The following RTN3 variants were observed in gnomAD, a reference collection of about 807,000 sequenced individuals.
RTN3 encodes reticulon 3, also known as reticulon-3.
Under a neutral mutation model 77.8 loss-of-function variants are expected in RTN3, and 49 were observed. That is an observed-to-expected ratio of 0.63 (90% CI 0.50 to 0.80). RTN3 has a LOEUF of 0.80. Ranked by LOEUF, RTN3 falls within the 30% of genes least tolerant of loss-of-function variation. The probability of loss-of-function intolerance (pLI) is 0.00; values close to 1 mark genes in which losing one functional copy is unlikely to be tolerated. For missense variants in RTN3, 1,236 were observed against 1,211.9 expected (o/e 1.02, Z -0.29); for synonymous variants, 464 against 446.9 (o/e 1.04, Z -0.48).
intron 3 of RTN3, among the ~76,000 whole-genome samples, chr11:63,724,779 C>A (rs1047093632): frequency 6.6e-6 from 1 of 152,040 alleles, no homozygotes; most frequent in Non-Finnish European, 1.5e-5. Context: ...GCGTGAGCCA[C>A]GGAACCCAGC....
At chr11:63,681,492 A>T (rs933017682), upstream of RTN3, 7 of 823,240 alleles carry the variant, frequency 8.5e-6, no homozygotes, top group South Asian at 1.6e-4. Flanking sequence ...CGCTCGGCTG[A>T]GTCAGTCAGT....
intron 1 of RTN3, among the ~76,000 whole-genome samples, chr11:63,693,254 C>T (rs1283403500): frequency 1.3e-5 from 2 of 151,926 alleles, no homozygotes; most frequent in Non-Finnish European, 2.9e-5. Flanking sequence ...GAGGCCGAGG[C>T]GAGCGGATCA....
chr11:63,681,590 C>G lies in RTN3; in HGVS notation c.-47C>G. 6.5e-7 allele frequency: 1 copy of G among 1,534,874 alleles called. No individual in the cohort carries two copies. The highest frequency in any genetic ancestry group is 2.4e-5 in the East Asian group (1 of 42,034). The stretch of plus-strand genomic sequence containing the variant: ...TATTCTATTTCCCCTCCCTCTCTCC[C>G]GCCCCGTATCTCTTTTCACCCTTCT... On this transcript the variant is annotated 5_prime_UTR_variant, in exon 1 of 9. Coordinates refer to ENST00000377819, the MANE Select transcript of RTN3 (RefSeq NM_001265589.2).
chr11:63,741,056 C>T (rs2013437215), intron 3 of RTN3, among the ~76,000 whole-genome samples: 1 of 152,078 alleles, frequency 6.6e-6, no homozygotes, highest in South Asian at 2.1e-4. Context: ...CTCAGGCATT[C>T]TGGAGCCAGA....
chr11:63,722,908 G>A (rs2011923034), intron 3 of RTN3, among the ~76,000 whole-genome samples: 1 of 152,186 alleles, frequency 6.6e-6, no homozygotes, highest in Non-Finnish European at 1.5e-5. Flanking sequence ...CTTACAGGTA[G>A]TAACTTTTGG....
chr11:63,724,173 CTTTTTTTTTTT>C lies in RTN3; in HGVS notation c.2530+3158_2530+3168del, dbSNP rs958114305. ...CCTAGCAATCTTGTTTTTAGGAATT[CTTTTTTTTTTT>C]TTTTTTTTTTTTTTTTGAGACAGAG... On this transcript the variant is annotated intron_variant, in intron 3 of 8. Coordinates refer to ENST00000377819, the MANE Select transcript of RTN3 (RefSeq NM_001265589.2). Among the ~76,000 whole-genome samples, 11 of 85,464 alleles carry C rather than the reference CTTTTTTTTTTT, an allele frequency of 1.3e-4. 1 individual carries two copies. The highest frequency in any genetic ancestry group is 1.9e-4 in the Non-Finnish European group (8 of 42,176). 56.1% of individuals were successfully genotyped at this position (85,464 alleles called of 152,430 possible).
intron 1 of RTN3, among the ~76,000 whole-genome samples, chr11:63,687,785 A>G (rs1475393953): frequency 6.6e-6 from 1 of 152,208 alleles, no homozygotes; most frequent in Non-Finnish European, 1.5e-5. Context: ...AATGTTTGAC[A>G]TCCATTTGTA....
At chr11:63,750,592 A>C (rs2014049396) in intron 4 of RTN3, among the ~76,000 whole-genome samples, 1 of 151,672 alleles carries the variant, frequency 6.6e-6, no homozygotes, top group Admixed American at 6.6e-5. Context: ...AGCTGGGATT[A>C]CAGGCATGCG....
chr11:63,719,963 A>G lies in RTN3; in HGVS notation c.1461A>G (p.Ala487=), dbSNP rs1284663936. The G allele has an allele frequency of 1.2e-6, 2 of 1,614,176 alleles. No individual in the cohort carries two copies. Among genetic ancestry groups the G allele is most frequent in the Non-Finnish European group, 1.7e-6 (2 of 1,180,016 alleles). The stretch of plus-strand genomic sequence containing the variant: ...ATGAAATGGACTGGCAGAGCTCTGC[A>G]TTGGGAGAAATCACAGAAGCTGATA... ...LKDEMDWQSS[A]LGEITEADSS... Residue 487 remains alanine, a synonymous_variant, in exon 3 of 9, where the codon GCA becomes GCG. Coordinates refer to ENST00000377819, the MANE Select transcript of RTN3 (RefSeq NM_001265589.2).
chr11:63,725,098 ACT>A (rs1565326547), intron 3 of RTN3, among the ~76,000 whole-genome samples: 3 of 151,594 alleles, frequency 2.0e-5, no homozygotes, highest in Non-Finnish European at 2.9e-5. Context: ...AAACTAAAGG[ACT>A]CTTTGATTAC....
intron 3 of RTN3, among the ~76,000 whole-genome samples, chr11:63,726,865 A>C (rs1225451865): frequency 1.3e-4 from 13 of 100,406 alleles, no homozygotes; most frequent in Non-Finnish European, 2.2e-4. Flanking sequence ...CCGTCTGAAA[A>C]AAAAAAAAAA....
At chr11:63,714,174 G>A in intron 2 of RTN3, 1 of 355,020 alleles carries the variant, frequency 2.8e-6, no homozygotes, top group Non-Finnish European at 5.6e-6. Context: ...GTTTGTTAGG[G>A]TTTCAGCTAG....
chr11:63,744,098 C>T (rs914796558), intron 3 of RTN3, among the ~76,000 whole-genome samples: 24 of 151,324 alleles, frequency 1.6e-4, no homozygotes, highest in African/African-American at 5.1e-4. Context: ...AAAAAATTAG[C>T]CGGGAGTGGT....
chr11:63,693,720 AGGT>A (rs1941786751), intron 1 of RTN3, among the ~76,000 whole-genome samples: 1 of 152,198 alleles, frequency 6.6e-6, no homozygotes, highest in South Asian at 2.1e-4. Flanking sequence ...AATATGTTTA[AGGT>A]TAGCCTCTTT....
rs539135731 is a variant in RTN3 at position 63,758,430 on chromosome 11, A to G, written c.*229A>G. 26 of 1,248,556 alleles carry G rather than the reference A, an allele frequency of 2.1e-5. No individual in the cohort carries two copies. The African/African-American group carries it at 3.5e-4, about 17-fold the overall frequency. The allele number at this position is 1,248,556 out of a possible 1,614,324, so 77.3% of individuals were successfully genotyped here. On this transcript the variant is annotated 3_prime_UTR_variant, in exon 9 of 9. Transcript: ENST00000377819. ...TTAGAACTCAGAAGAAGAAAGAATC[A>G]AATTCATAGGATAAGTCAATACCTT...
At chr11:63,755,738 T>TC (rs1373596134) in intron 7 of RTN3, among the ~76,000 whole-genome samples, 2 of 146,144 alleles carry the variant, frequency 1.4e-5, no homozygotes, top group Non-Finnish European at 3.0e-5. Flanking sequence ...GGTGGGTGGA[T>TC]CACGAGGTCA....
At chr11:63,706,167 A>AT (rs879270987) in intron 2 of RTN3, among the ~76,000 whole-genome samples, 6 of 150,270 alleles carry the variant, frequency 4.0e-5, no homozygotes, top group East Asian at 1.9e-4. Flanking sequence ...ATGGTAGGGA[A>AT]TTTTTTTTTT....
chr11:63,701,005 G>T (rs1190995945), intron 1 of RTN3, among the ~76,000 whole-genome samples: 3 of 150,296 alleles, frequency 2.0e-5, no homozygotes, highest in Admixed American at 6.7e-5. Context: ...CAGGAGAATC[G>T]CATGAACCCA....
intron 3 of RTN3, among the ~76,000 whole-genome samples, chr11:63,748,528 T>C (rs1255118222): frequency 6.6e-6 from 1 of 151,528 alleles, no homozygotes; most frequent in Non-Finnish European, 1.5e-5. Context: ...TTTGTATTTT[T>C]AGTAGAGACA....
Sources: allele counts gnomAD v4.1 joint callset (sites outside exome capture counted in the v4.1 genomes callset), GRCh38; gene constraint gnomAD v4.1.1; transcripts MANE v1.5; gene names NCBI Gene and HGNC (gene_info 2026-07-23, HGNC 2026-07-21).